Variants in ERC1 observed in about 807,000 individuals in gnomAD.
The protein encoded by ERC1 is ELKS/RAB6-interacting/CAST family member 1.
Under a neutral mutation model 132.0 loss-of-function variants are expected in ERC1, and 56 were observed. The observed-to-expected ratio is 0.42, with a 90% CI of 0.34 to 0.53. The LOEUF is 0.53. ERC1 is among the 20% of genes least tolerant of loss of function. The pLI, the probability that ERC1 is intolerant of heterozygous loss-of-function variation, is 0.03. For missense variants in ERC1, 1,202 were observed against 1,349.9 expected (o/e 0.89, Z 1.72); for synonymous variants, 478 against 476.1 (o/e 1.00, Z -0.05).
chr12:1,234,686 A>G (rs1194710592), intron 12 of ERC1, among the ~76,000 whole-genome samples: 1 of 152,202 alleles, frequency 6.6e-6, no homozygotes, highest in Non-Finnish European at 1.5e-5. Context: ...TTGCCTTGCT[A>G]ATTACTTTTT....
At chr12:1,131,512 A>G (rs4619205) in intron 7 of ERC1, among the ~76,000 whole-genome samples, 137,401 of 152,046 alleles carry the variant, frequency 0.9, 62,867 homozygotes, top group Non-Finnish European at 0.97. Context: ...CCCAGGCTGG[A>G]GTGCAGTGGC....
In ERC1 at chr12:1,491,336, G is replaced by A. The variant is rs1203125918; in HGVS notation, c.*1106G>A. 3.5e-5 allele frequency: 8 copies of A among 231,268 alleles called. No individual in the cohort carries two copies. The highest frequency in any genetic ancestry group is 1.8e-4 in the South Asian group (1 of 5,516). 14.3% of individuals were successfully genotyped at this position (231,268 alleles called of 1,614,324 possible). On this transcript the variant is annotated 3_prime_UTR_variant, in exon 19 of 19. Transcript: ENST00000360905. ...GAACCTCAGCCTCGTGCATTGCCTG[G>A]AACCTTCTTCTAGCATAAATGAAGG... is the stretch of plus-strand genomic sequence containing the variant.
In ERC1 at chr12:1,290,006, A is replaced by C; in HGVS notation, c.2774A>C (p.Glu925Ala). The C allele has an allele frequency of 6.2e-7, 1 of 1,613,650 alleles. No homozygotes were observed. Among genetic ancestry groups the C allele is most frequent in the East Asian group, 2.2e-5 (1 of 44,876 alleles). Reference protein sequence around the residue: ...ERRKHLEEVLEMKQEALLAAI... With the variant: ...ERRKHLEEVLAMKQEALLAAI... ...AGGAAACACTTAGAGGAAGTTCTGGAGATGAAGTAAGTGTTTGTAGTCTTA... is the reference window on the plus strand; with the variant it reads ...AGGAAACACTTAGAGGAAGTTCTGGCGATGAAGTAAGTGTTTGTAGTCTTA... The change falls in exon 15 of 19, where the codon GAG becomes GCG. Residue 925 changes from glutamate to alanine, a missense_variant. By Grantham distance (107) the Glu-to-Ala change is moderately radical. Transcript: ENST00000360905.
chr12:1,161,719 T>A (rs1355750677), intron 8 of ERC1, among the ~76,000 whole-genome samples: 3 of 152,234 alleles, frequency 2.0e-5, no homozygotes, highest in Non-Finnish European at 4.4e-5. Context: ...CCTGTAGAGA[T>A]GCCTTAATTC....
chr12:1,148,767 A>G (rs1950592876), intron 8 of ERC1, among the ~76,000 whole-genome samples: 1 of 152,018 alleles, frequency 6.6e-6, no homozygotes, highest in South Asian at 2.1e-4. Flanking sequence ...TCGCCCAGCT[A>G]ATTTTTGTAT....
intron 2 of ERC1, among the ~76,000 whole-genome samples, chr12:1,076,726 G>A (rs2154185329): frequency 6.6e-6 from 1 of 152,190 alleles, no homozygotes; most frequent in Admixed American, 6.5e-5. Context: ...TTTTAAGGAA[G>A]AGGTATAACT....
At chr12:1,431,296 G>A (rs1217763279) in intron 17 of ERC1, among the ~76,000 whole-genome samples, 4 of 152,200 alleles carry the variant, frequency 2.6e-5, no homozygotes, top group African/African-American at 2.4e-5. Context: ...TACTCAAAAT[G>A]AGTACAGGAT....
chr12:1,401,028 C>T (rs1475042343), intron 16 of ERC1, among the ~76,000 whole-genome samples: 2 of 138,278 alleles, frequency 1.4e-5, no homozygotes, highest in Admixed American at 8.2e-5. Flanking sequence ...CTCCACCTCC[C>T]GGGTTCACGC....
chr12:1,151,086 C>A (rs1474434273), intron 8 of ERC1, among the ~76,000 whole-genome samples: 3 of 152,130 alleles, frequency 2.0e-5, no homozygotes, highest in Non-Finnish European at 4.4e-5. Context: ...CTCTGCAAAT[C>A]CAAAACTATT....
intron 2 of ERC1, among the ~76,000 whole-genome samples, chr12:1,057,768 G>C (rs910182560): frequency 6.6e-6 from 1 of 151,638 alleles, no homozygotes; most frequent in African/African-American, 2.4e-5. Flanking sequence ...GCTAATTTTG[G>C]TATTTTTAGT....
intron 3 of ERC1, among the ~76,000 whole-genome samples, chr12:1,093,927 A>T (rs1015838530): frequency 8.0e-5 from 10 of 125,496 alleles, no homozygotes; most frequent in African/African-American, 2.8e-4. Context: ...ATATAAATGT[A>T]TATTTTTCTA....
intron 12 of ERC1, among the ~76,000 whole-genome samples, chr12:1,195,252 C>G (rs1446967939): frequency 6.6e-6 from 1 of 152,134 alleles, no homozygotes; most frequent in African/African-American, 2.4e-5. Flanking sequence ...TTCCCTTTTG[C>G]CCCTTTACAG....
intron 3 of ERC1, among the ~76,000 whole-genome samples, chr12:1,100,237 G>A (rs930792390): frequency 6.6e-6 from 1 of 152,056 alleles, no homozygotes; most frequent in Non-Finnish European, 1.5e-5. Context: ...TAAGTCAAGA[G>A]GGTGACTGAC....
intron 17 of ERC1, among the ~76,000 whole-genome samples, chr12:1,428,848 T>G (rs2092714172): frequency 6.6e-6 from 1 of 152,208 alleles, no homozygotes; most frequent in Non-Finnish European, 1.5e-5. Context: ...TGATGTGCCT[T>G]CCTTCTTCTT....
chr12:1,240,873 A>G (rs891779990), intron 13 of ERC1, among the ~76,000 whole-genome samples: 1 of 152,110 alleles, frequency 6.6e-6, no homozygotes, highest in African/African-American at 2.4e-5. Flanking sequence ...TAAAAACTTT[A>G]TATCATTTAA....
intron 12 of ERC1, among the ~76,000 whole-genome samples, chr12:1,198,677 C>T (rs1390356833): frequency 3.3e-5 from 5 of 152,134 alleles, no homozygotes; most frequent in South Asian, 2.1e-4. Flanking sequence ...CATGTTTCTG[C>T]GGGCTGTACA....
At chr12:1,426,324 C>T (rs1452291343) in intron 17 of ERC1, among the ~76,000 whole-genome samples, 6 of 151,988 alleles carry the variant, frequency 3.9e-5, no homozygotes, top group South Asian at 2.1e-4. Context: ...AGGCTGGTCT[C>T]GAACTCCTGA....
intron 7 of ERC1, among the ~76,000 whole-genome samples, chr12:1,132,749 G>A (rs1948886428): frequency 6.6e-6 from 1 of 152,110 alleles, no homozygotes; most frequent in Admixed American, 6.6e-5. Flanking sequence ...GAAGAACTGA[G>A]AGACAAGAAA....
At chr12:1,287,158 A>G (rs1403236851) in intron 14 of ERC1, among the ~76,000 whole-genome samples, 7 of 152,272 alleles carry the variant, frequency 4.6e-5, no homozygotes, top group African/African-American at 1.7e-4. Context: ...TTAAGATAGA[A>G]TAGATTTTTA....
Sources: gnomAD v4.1 joint callset for allele counts (sites outside exome capture counted in the v4.1 genomes callset) on GRCh38, gnomAD v4.1.1 for gene constraint, MANE v1.5 for transcripts, NCBI Gene and HGNC (gene_info 2026-07-23, HGNC 2026-07-21) for gene names.